The following SEMA6A variants were observed in gnomAD, a reference collection of about 807,000 sequenced individuals.
SEMA6A encodes the protein semaphorin 6A.
SEMA6A carries 25 observed loss-of-function variants against 96.8 expected under a neutral mutation model. The observed-to-expected ratio is 0.26, with a 90% CI of 0.19 to 0.36. SEMA6A has a LOEUF of 0.36. Among genes scored for constraint, SEMA6A ranks in the 10% least tolerant of loss-of-function variants. The pLI, the probability that SEMA6A is intolerant of heterozygous loss-of-function variation, is 1.00. For missense variants in SEMA6A, 1,363 were observed against 1,323.1 expected (o/e 1.03, Z -0.47); for synonymous variants, 612 against 518.0 (o/e 1.18, Z -2.46).
At chr5:116,527,841 C>G (rs771672256) in intron 1 of SEMA6A, among the ~76,000 whole-genome samples, 92 of 152,270 alleles carry the variant, frequency 6.0e-4, no homozygotes, top group Non-Finnish European at 1.1e-3. Flanking sequence ...CAGCTTCCAA[C>G]TAATCTAAAG....
chr5:116,490,683 CAAAT>C (rs2112729658), intron 7 of SEMA6A, among the ~76,000 whole-genome samples: 1 of 152,278 alleles, frequency 6.6e-6, no homozygotes, highest in South Asian at 2.1e-4. Context: ...TCCAGGCCCA[CAAAT>C]GAATGACACT....
At chr5:116,509,607 TGA>T (rs113431602) in intron 1 of SEMA6A, among the ~76,000 whole-genome samples, 11 of 150,472 alleles carry the variant, frequency 7.3e-5, no homozygotes, top group South Asian at 4.2e-4. Context: ...TCTGTGTGTG[TGA>T]GAGAGAGAGA....
chr5:116,572,337 T>C (rs1234600148), intron 1 of SEMA6A, among the ~76,000 whole-genome samples: 1 of 152,222 alleles, frequency 6.6e-6, no homozygotes, highest in Non-Finnish European at 1.5e-5. Context: ...TGGCTGTGCC[T>C]GGCCACCGCA....
intron 1 of SEMA6A, among the ~76,000 whole-genome samples, chr5:116,513,140 C>T (rs1398685460): frequency 2.1e-5 from 3 of 141,962 alleles, no homozygotes; most frequent in Non-Finnish European, 3.2e-5. Context: ...TTTTTTTTTT[C>T]CCCCGCGACG....
intron 16 of SEMA6A, among the ~76,000 whole-genome samples, chr5:116,474,491 A>T (rs1289645076): frequency 6.6e-6 from 1 of 152,308 alleles, no homozygotes; most frequent in East Asian, 1.9e-4. Context: ...GTAAGACATA[A>T]TAAGAATTTT....
At chr5:116,565,284 G>A (rs7718743) in intron 1 of SEMA6A, among the ~76,000 whole-genome samples, 4,533 of 152,258 alleles carry the variant, frequency 0.03, 227 homozygotes, top group African/African-American at 0.1. Flanking sequence ...GCGGTTTTCA[G>A]TCTTTCAGAG....
chr5:116,451,768 A>G (rs966838467), intron 18 of SEMA6A, among the ~76,000 whole-genome samples: 2 of 152,200 alleles, frequency 1.3e-5, no homozygotes, highest in East Asian at 1.9e-4. Flanking sequence ...TCTATCTCCA[A>G]TCATATAAAA....
At chr5:116,503,529 T>TTA (rs1561502264) in intron 2 of SEMA6A, among the ~76,000 whole-genome samples, 1 of 151,808 alleles carries the variant, frequency 6.6e-6, no homozygotes, top group African/African-American at 2.4e-5. Context: ...TTTTTTTTTT[T>TTA]TGAGACAGAG....
At position 116,452,629 on chromosome 5, in the gene SEMA6A, A is replaced by C. The variant is rs368458374; in HGVS notation, c.1895-4818T>G. Among the ~76,000 whole-genome samples, 284 of 152,250 alleles carry C rather than the reference A, an allele frequency of 1.9e-3. 10 individuals carry two copies. In the South Asian group the frequency reaches 0.057, roughly 31 times the overall value. On this transcript the variant is annotated intron_variant, in intron 18 of 18. Coordinates refer to ENST00000343348, the MANE Select transcript of SEMA6A (RefSeq NM_020796.5). ...TACAATTCTGACTTTTCCTATGATGACCATGTTAATAAATTTTGAAATATC... is the reference window on the plus strand; with the variant it reads ...TACAATTCTGACTTTTCCTATGATGCCCATGTTAATAAATTTTGAAATATC...
intron 1 of SEMA6A, among the ~76,000 whole-genome samples, chr5:116,540,588 A>G (rs1355636451): frequency 2.0e-5 from 3 of 152,174 alleles, no homozygotes; most frequent in Non-Finnish European, 2.9e-5. Flanking sequence ...CTAGAAACAT[A>G]TATGGCAAGA....
Position 116,473,646 on chromosome 5 carries a change from C to G in SEMA6A, c.1709-553G>C, listed in dbSNP as rs148577169. On this transcript the variant is annotated intron_variant, in intron 16 of 18. Transcript: ENST00000343348. The stretch of plus-strand genomic sequence containing the variant: ...GTGTGTTGGGGTCAGATCTCTGGTT[C>G]ACTCAGCCTCTAACACTGGCTCTTT... Among the ~76,000 whole-genome samples the G allele has an allele frequency of 3.4e-4, 52 of 152,356 alleles. No homozygotes were observed. In the Middle Eastern group the frequency reaches 0.014, roughly 40 times the overall value.
chr5:116,459,404 C>T (rs1158930822), intron 18 of SEMA6A, among the ~76,000 whole-genome samples: 4 of 152,086 alleles, frequency 2.6e-5, no homozygotes, highest in African/African-American at 9.7e-5. Flanking sequence ...TCCTGTGGTC[C>T]CTTTCTTCCC....
At chr5:116,532,132 T>C (rs568766421) in intron 1 of SEMA6A, among the ~76,000 whole-genome samples, 1 of 152,276 alleles carries the variant, frequency 6.6e-6, no homozygotes, top group South Asian at 2.1e-4. Flanking sequence ...TATGTTCGAG[T>C]GCTATTTCTT....
At chr5:116,490,554 A>G (rs964761336) in intron 7 of SEMA6A, among the ~76,000 whole-genome samples, 4 of 152,126 alleles carry the variant, frequency 2.6e-5, no homozygotes, top group African/African-American at 7.2e-5. Context: ...ATACCTTACA[A>G]ATAGGTCTAC....
At chr5:116,537,837 G>A (rs932410431) in intron 1 of SEMA6A, among the ~76,000 whole-genome samples, 2 of 152,148 alleles carry the variant, frequency 1.3e-5, no homozygotes, top group African/African-American at 4.8e-5. Context: ...AATTAATATA[G>A]ACAGGTGGCA....
intron 18 of SEMA6A, among the ~76,000 whole-genome samples, chr5:116,454,034 C>A (rs928886746): frequency 6.6e-6 from 1 of 152,186 alleles, no homozygotes; most frequent in Non-Finnish European, 1.5e-5. Flanking sequence ...TGTGCACTTT[C>A]CCCTCTCACC....
At chr5:116,528,339 A>G (rs1336116370) in intron 1 of SEMA6A, among the ~76,000 whole-genome samples, 3 of 152,156 alleles carry the variant, frequency 2.0e-5, no homozygotes, top group Non-Finnish European at 4.4e-5. Context: ...AGGGAAGTAC[A>G]ATCCCACAGA....
At chr5:116,543,002 A>C (rs1283707295) in intron 1 of SEMA6A, among the ~76,000 whole-genome samples, 1 of 152,146 alleles carries the variant, frequency 6.6e-6, no homozygotes, top group Non-Finnish European at 1.5e-5. Flanking sequence ...CATATATTTG[A>C]ATACTCACAG....
intron 1 of SEMA6A, among the ~76,000 whole-genome samples, chr5:116,556,453 A>T (rs1760610709): frequency 6.6e-6 from 1 of 152,204 alleles, no homozygotes; most frequent in Admixed American, 6.5e-5. Flanking sequence ...TTAATAGCTA[A>T]TTTTTATTGA....
Sources: allele counts gnomAD v4.1 joint callset (sites outside exome capture counted in the v4.1 genomes callset), GRCh38; gene constraint gnomAD v4.1.1; transcripts MANE v1.5; gene names NCBI Gene and HGNC (gene_info 2026-07-23, HGNC 2026-07-21).